The following MCC variants were observed in gnomAD, a reference collection of about 807,000 sequenced individuals.
The protein encoded by MCC is colorectal mutant cancer protein.
A neutral mutation model predicts 116.2 loss-of-function variants in MCC; 90 were observed. That is an observed-to-expected ratio of 0.77 (90% CI 0.65 to 0.92). The LOEUF (loss-of-function observed/expected upper bound fraction) is 0.92, where lower values mean the gene tolerates loss of function less well. Ranked by LOEUF, MCC falls within the 40% of genes least tolerant of loss-of-function variation. The pLI is 0.00. For missense variants in MCC, 1,516 were observed against 1,312.2 expected, an observed-to-expected ratio of 1.16 and a Z score of -2.40; for synonymous variants, 578 against 510.5, an observed-to-expected ratio of 1.13 and a Z score of -1.78.
Position 113,143,198 on chromosome 5 carries a change from A to T in MCC, c.884+20T>A, listed in dbSNP as rs1388161416. 2 of 1,578,578 alleles carry T rather than the reference A, an allele frequency of 1.3e-6. No individual in the cohort carries two copies. Among genetic ancestry groups the T allele is most frequent in the Non-Finnish European group, 1.7e-6 (2 of 1,165,224 alleles). On this transcript the variant is annotated intron_variant, in intron 5 of 18. Coordinates refer to ENST00000408903, the MANE Select transcript of MCC (RefSeq NM_001085377.2). ...GGTTTAGCAGAAGGGGCAGAGTAAA[A>T]GCCGAATGGAGCCGCGTACCTGATG... is the stretch of plus-strand genomic sequence containing the variant.
rs1753755253 is a variant in MCC at position 113,068,145 on chromosome 5, A to G, written c.1964T>C (p.Leu655Pro). ...CIEAYELLLALAESEQSLILG... is the reference protein window; with the variant it reads ...CIEAYELLLAPAESEQSLILG... ...GATGAGGCTCTGCTCACTCTCTGCCAGCGCCAGGAGGAGTTCGTAGGCTTC... is the reference window on the plus strand; with the variant it reads ...GATGAGGCTCTGCTCACTCTCTGCCGGCGCCAGGAGGAGTTCGTAGGCTTC... The change falls in exon 13 of 19, where the codon CTG (leucine) becomes CCG (proline). Residue 655 changes from leucine to proline, a missense_variant. By Grantham distance (98) the Leu-to-Pro change is moderately conservative (BLOSUM62 -3). Coordinates refer to ENST00000408903, the MANE Select transcript of MCC (RefSeq NM_001085377.2). 6.2e-7 allele frequency: 1 copy of G among 1,614,192 alleles called. No homozygotes were observed. The highest frequency in any genetic ancestry group is 8.5e-7 in the Non-Finnish European group (1 of 1,180,032).
At chr5:113,033,900 T>C (rs906392759) in intron 17 of MCC, among the ~76,000 whole-genome samples, 4 of 152,134 alleles carry the variant, frequency 2.6e-5, no homozygotes, top group African/African-American at 9.7e-5. Context: ...GGTGGGACTT[T>C]TAAGAGACAG....
At chr5:113,332,167 A>G (rs1767712695) in intron 3 of MCC, among the ~76,000 whole-genome samples, 1 of 151,420 alleles carries the variant, frequency 6.6e-6, no homozygotes, top group Non-Finnish European at 1.5e-5. Flanking sequence ...ACTTGTAAGT[A>G]ACTTTCTTTT....
chr5:113,225,810 T>A (rs1369417163), intron 3 of MCC, among the ~76,000 whole-genome samples: 1 of 152,210 alleles, frequency 6.6e-6, no homozygotes, highest in Admixed American at 6.5e-5. Context: ...TTACATCTGA[T>A]GTCTTGACTT....
intron 3 of MCC, among the ~76,000 whole-genome samples, chr5:113,329,732 G>A (rs931739194): frequency 2.6e-5 from 4 of 151,926 alleles, no homozygotes; most frequent in African/African-American, 9.7e-5. Flanking sequence ...TTCTCCTCTT[G>A]AAATCCATTA....
At chr5:113,214,870 C>T (rs549682985) in intron 3 of MCC, among the ~76,000 whole-genome samples, 16 of 152,194 alleles carry the variant, frequency 1.1e-4, no homozygotes, top group Non-Finnish European at 1.8e-4. Context: ...CATTGCAATG[C>T]CATTTGTAAC....
chr5:113,299,316 A>G (rs1766795035), intron 3 of MCC, among the ~76,000 whole-genome samples: 2 of 34,564 alleles, frequency 5.8e-5, no homozygotes, highest in Non-Finnish European at 1.0e-4. Flanking sequence ...AAAAAAAAAA[A>G]AAAAAAAAAA....
At chr5:113,210,079 A>G (rs1763064435) in intron 3 of MCC, among the ~76,000 whole-genome samples, 1 of 152,154 alleles carries the variant, frequency 6.6e-6, no homozygotes, top group East Asian at 1.9e-4. Context: ...GATATACCCT[A>G]TGACATTCAT....
At chr5:113,112,311 G>T (rs1249454953) in intron 6 of MCC, among the ~76,000 whole-genome samples, 1 of 152,160 alleles carries the variant, frequency 6.6e-6, no homozygotes, top group East Asian at 1.9e-4. Context: ...TGGAGGAGGG[G>T]CTTGTTGGGA....
intron 4 of MCC, among the ~76,000 whole-genome samples, chr5:113,148,494 C>T (rs1759658842): frequency 6.6e-6 from 1 of 152,194 alleles, no homozygotes; most frequent in Admixed American, 6.5e-5. Context: ...AACATAACCA[C>T]CATTTACATT....
At chr5:113,469,433 A>G (rs1265912644) in intron 1 of MCC, among the ~76,000 whole-genome samples, 3 of 152,002 alleles carry the variant, frequency 2.0e-5, no homozygotes, top group Non-Finnish European at 2.9e-5. Flanking sequence ...CCTTCATTTT[A>G]CTATTTACCC....
At chr5:113,068,289 A>T in intron 12 of MCC, 106 bp from the exon 13 acceptor site, 1 of 773,202 alleles carries the variant, frequency 1.3e-6, no homozygotes, top group Non-Finnish European at 2.2e-6. Context: ...TCTCGGCCTC[A>T]CTCTCCACAC....
intron 3 of MCC, among the ~76,000 whole-genome samples, chr5:113,305,942 C>T (rs1459594664): frequency 1.3e-5 from 2 of 152,170 alleles, no homozygotes; most frequent in Non-Finnish European, 2.9e-5. Flanking sequence ...CCCTGGCAAA[C>T]ACAAGTCTAC....
At chr5:113,082,290 T>C (rs1754915661) in intron 11 of MCC, among the ~76,000 whole-genome samples, 2 of 152,250 alleles carry the variant, frequency 1.3e-5, no homozygotes, top group African/African-American at 4.8e-5. Flanking sequence ...GCGAAGAACA[T>C]AAATAAAACT....
Position 113,027,478 on chromosome 5 carries a change from G to T in MCC, c.2884C>A (p.Leu962Met). 1 of 1,614,112 alleles carries T rather than the reference G, an allele frequency of 6.2e-7. No individual in the cohort carries two copies. Among genetic ancestry groups the T allele is most frequent in the Non-Finnish European group, 8.5e-7 (1 of 1,180,008 alleles). The change falls in exon 19 of 19, where the codon CTG becomes ATG. Residue 962 changes from leucine (L) to methionine (M), a missense_variant. Transcript: ENST00000408903. Reference protein sequence around the residue: ...VNDLKRANSNLVAAYEKAKKK... With the variant: ...VNDLKRANSNMVAAYEKAKKK... ...TTTGCTTTCTCATAGGCAGCCACCA[G>T]GTTGCTAGGTGGGAATGAAGGGAAA...
chr5:113,364,752 G>C (rs896441940), intron 2 of MCC, among the ~76,000 whole-genome samples: 3 of 152,174 alleles, frequency 2.0e-5, no homozygotes, highest in African/African-American at 7.2e-5. Flanking sequence ...TTCAGCTCTT[G>C]CATTCTGCAC....
In MCC at chr5:113,208,845, A is replaced by G. The variant is rs555823364; in HGVS notation, c.628-57423T>C. On this transcript the variant is annotated intron_variant, in intron 3 of 18. Transcript: ENST00000408903. ...TATGTCCCCAACATCATGGCCACAA[A>G]AACATAGATGTAGATTTCTTATGCT... Among the ~76,000 whole-genome samples the G allele has an allele frequency of 2.0e-5, 3 of 152,340 alleles. No individual in the cohort carries two copies. The South Asian group carries it at 6.2e-4, about 32-fold the overall frequency.
Position 113,325,891 on chromosome 5 carries a change from A to G in MCC, c.627+14628T>C, listed in dbSNP as rs1042908790. Among the ~76,000 whole-genome samples, 5 of 152,300 alleles carry G rather than the reference A, an allele frequency of 3.3e-5. No homozygotes were observed. The East Asian group carries it at 5.8e-4, about 18-fold the overall frequency. ...TTTTAGCCAACAAGGTTTAACAGAC[A>G]CATGATCTTAATGTATCTGAACTCT... On this transcript the variant is annotated intron_variant, in intron 3 of 18. Coordinates refer to ENST00000408903, the MANE Select transcript of MCC (RefSeq NM_001085377.2).
intron 1 of MCC, among the ~76,000 whole-genome samples, chr5:113,401,772 TA>T (rs33967660): frequency 0.25 from 25,854 of 102,560 alleles, 2,415 homozygotes; most frequent in Non-Finnish European, 0.28. Flanking sequence ...TTCTTATTTA[TA>T]TATATATATA....
Sources: gnomAD v4.1 joint callset for allele counts (sites outside exome capture counted in the v4.1 genomes callset) on GRCh38, gnomAD v4.1.1 for gene constraint, MANE v1.5 for transcripts, NCBI Gene and HGNC (gene_info 2026-07-23, HGNC 2026-07-21) for gene names.